STXBP5L: variants seen among roughly 807,000 people sequenced by gnomAD.
STXBP5L encodes the protein syntaxin binding protein 5L, also known as syntaxin-binding protein 5-like.
STXBP5L carries 65 observed loss-of-function variants against 144.5 expected under a neutral mutation model. That is an observed-to-expected ratio of 0.45 (90% CI 0.37 to 0.55). The LOEUF is 0.55. Among genes scored for constraint, STXBP5L ranks in the 20% least tolerant of loss-of-function variants. The pLI is 0.00. For missense variants in STXBP5L, 1,298 were observed against 1,405.5 expected, an observed-to-expected ratio of 0.92 and a Z score of 1.22; for synonymous variants, 505 against 469.6, an observed-to-expected ratio of 1.08 and a Z score of -0.97.
intron 19 of STXBP5L, among the ~76,000 whole-genome samples, chr3:121,316,000 CAA>C (rs201621147): frequency 3.1e-5 from 3 of 97,326 alleles, no homozygotes; most frequent in African/African-American, 6.8e-5. Context: ...GACTCTGTCT[CAA>C]AAAAAAAAAA....
At chr3:121,391,579 T>G (rs906587446) in intron 22 of STXBP5L, among the ~76,000 whole-genome samples, 2 of 152,174 alleles carry the variant, frequency 1.3e-5, no homozygotes, top group Non-Finnish European at 2.9e-5. Flanking sequence ...TTGGTGTAGA[T>G]GACCTTTTTG....
intron 20 of STXBP5L, among the ~76,000 whole-genome samples, chr3:121,355,130 C>T (rs2045458813): frequency 6.6e-6 from 1 of 152,188 alleles, no homozygotes; most frequent in Admixed American, 6.5e-5. Context: ...TTTTTTCCTT[C>T]ATTTCAACTT....
intron 20 of STXBP5L, among the ~76,000 whole-genome samples, chr3:121,361,227 C>T (rs561763492): frequency 6.6e-6 from 1 of 152,172 alleles, no homozygotes; most frequent in South Asian, 2.1e-4. Context: ...CTTTCTTTAT[C>T]CTTGACTTTT....
intron 3 of STXBP5L, among the ~76,000 whole-genome samples, chr3:121,003,453 C>T (rs923007429): frequency 3.3e-5 from 5 of 152,128 alleles, no homozygotes; most frequent in South Asian, 2.1e-4. Context: ...TGGATATTAG[C>T]CCTTTGTCAG....
intron 22 of STXBP5L, among the ~76,000 whole-genome samples, chr3:121,389,575 G>C (rs1454273877): frequency 3.3e-5 from 5 of 152,126 alleles, no homozygotes; most frequent in African/African-American, 1.2e-4. Flanking sequence ...AGAGATCCTG[G>C]TACATTGTGT....
chr3:121,322,207 C>T (rs1057204982), intron 20 of STXBP5L, among the ~76,000 whole-genome samples: 1 of 152,108 alleles, frequency 6.6e-6, no homozygotes, highest in East Asian at 1.9e-4. Flanking sequence ...GGCTGGGCGC[C>T]GTGGCTCACG....
chr3:121,380,600 T>C (rs1029685324), intron 21 of STXBP5L, among the ~76,000 whole-genome samples: 4 of 152,072 alleles, frequency 2.6e-5, no homozygotes, highest in African/African-American at 9.7e-5. Flanking sequence ...CCTGTTTTTT[T>C]TTTTAAGTGA....
intron 3 of STXBP5L, among the ~76,000 whole-genome samples, chr3:121,007,464 A>T (rs1207703691): frequency 2.6e-5 from 4 of 151,952 alleles, no homozygotes; most frequent in African/African-American, 4.8e-5. Context: ...GTGTTTTTTT[A>T]ATTCCTTAAA....
intron 10 of STXBP5L, among the ~76,000 whole-genome samples, chr3:121,208,261 C>T (rs2048417128): frequency 6.8e-6 from 1 of 146,182 alleles, no homozygotes; most frequent in Non-Finnish European, 1.5e-5. Flanking sequence ...CATGTTCTCA[C>T]TCATAGGTGG....
At chr3:121,184,112 CA>C (rs1186444605) in intron 9 of STXBP5L, among the ~76,000 whole-genome samples, 1 of 151,940 alleles carries the variant, frequency 6.6e-6, no homozygotes, top group African/African-American at 2.4e-5. Context: ...GAGAAAAAAA[CA>C]GTGCAAAAAG....
intron 10 of STXBP5L, among the ~76,000 whole-genome samples, chr3:121,208,388 G>T (rs2048424044): frequency 1.3e-5 from 2 of 151,938 alleles, no homozygotes; most frequent in South Asian, 4.2e-4. Context: ...ATGTAAATGA[G>T]GAGTTAATGG....
At chr3:121,250,649 G>T (rs1375377217) in intron 14 of STXBP5L, 74 bp from the exon 15 acceptor site, 1 of 1,268,882 alleles carries the variant, frequency 7.9e-7, no homozygotes, top group Admixed American at 2.1e-5. Flanking sequence ...AGTAACTCAA[G>T]TTTCTGTACA....
chr3:121,350,717 C>T (rs1390171913), intron 20 of STXBP5L, among the ~76,000 whole-genome samples: 1 of 151,978 alleles, frequency 6.6e-6, no homozygotes, highest in East Asian at 1.9e-4. Context: ...ATTTGATCTT[C>T]AATCACTGAT....
chr3:121,058,939 G>C (rs1405394358), intron 5 of STXBP5L, among the ~76,000 whole-genome samples: 1 of 152,174 alleles, frequency 6.6e-6, no homozygotes, highest in Non-Finnish European at 1.5e-5. Flanking sequence ...TCACTCTGAT[G>C]ATAGTTTCTT....
chr3:121,291,574 A>C (rs1017594996), intron 19 of STXBP5L, among the ~76,000 whole-genome samples: 1 of 152,030 alleles, frequency 6.6e-6, no homozygotes, highest in Non-Finnish European at 1.5e-5. Flanking sequence ...TCATTCACAC[A>C]GTACCAAAAA....
At chr3:121,108,404 T>G (rs2107804388) in intron 5 of STXBP5L, among the ~76,000 whole-genome samples, 1 of 152,298 alleles carries the variant, frequency 6.6e-6, no homozygotes. Context: ...CCCAGTTTAT[T>G]GAGAGTTTTT....
chr3:121,054,114 G>A (rs1362499215), intron 5 of STXBP5L, among the ~76,000 whole-genome samples: 4 of 152,174 alleles, frequency 2.6e-5, no homozygotes, highest in Non-Finnish European at 5.9e-5. Context: ...AGGATGTGGA[G>A]AAATAGGAAC....
intron 3 of STXBP5L, among the ~76,000 whole-genome samples, chr3:120,979,065 C>G (rs1249141502): frequency 6.6e-6 from 1 of 152,204 alleles, no homozygotes; most frequent in African/African-American, 2.4e-5. Flanking sequence ...AGAACCACTG[C>G]TCTCTTCAAA....
intron 7 of STXBP5L, among the ~76,000 whole-genome samples, chr3:121,127,795 C>T (rs2044781541): frequency 6.6e-6 from 1 of 151,748 alleles, no homozygotes; most frequent in Admixed American, 6.6e-5. Context: ...TATTGTAAAC[C>T]CCAGCAACCC....
Sources: allele counts gnomAD v4.1 joint callset (sites outside exome capture counted in the v4.1 genomes callset), GRCh38; gene constraint gnomAD v4.1.1; transcripts MANE v1.5; gene names NCBI Gene and HGNC (gene_info 2026-07-23, HGNC 2026-07-21).